TAOK3: variants seen among roughly 807,000 people sequenced by gnomAD.
TAOK3 encodes the protein TAO kinase 3, also known as serine/threonine-protein kinase TAO3.
Under a neutral mutation model 120.4 loss-of-function variants are expected in TAOK3, and 40 were observed. That is an observed-to-expected ratio of 0.33 (90% CI 0.26 to 0.43). The LOEUF (loss-of-function observed/expected upper bound fraction) is 0.43, where lower values mean the gene tolerates loss of function less well. Ranked by LOEUF, TAOK3 falls within the 20% of genes least tolerant of loss-of-function variation. The pLI is 1.00. For missense variants in TAOK3, 821 were observed against 1,112.1 expected, an observed-to-expected ratio of 0.74 and a Z score of 3.72; for synonymous variants, 355 against 387.5, an observed-to-expected ratio of 0.92 and a Z score of 0.99.
At chr12:118,262,456 G>A (rs556203085) in intron 2 of TAOK3, among the ~76,000 whole-genome samples, 6 of 151,678 alleles carry the variant, frequency 4.0e-5, no homozygotes, top group East Asian at 3.9e-4. Flanking sequence ...CACTCTAGCC[G>A]GGGCGACAGG....
At chr12:118,352,154 G>A (rs916342353) in intron 1 of TAOK3, among the ~76,000 whole-genome samples, 4 of 151,432 alleles carry the variant, frequency 2.6e-5, no homozygotes, top group Non-Finnish European at 5.9e-5. Context: ...TTACAGGCGT[G>A]AGCCACCGCG....
chr12:118,264,273 T>C (rs2041353762), intron 2 of TAOK3, among the ~76,000 whole-genome samples: 1 of 152,204 alleles, frequency 6.6e-6, no homozygotes. Flanking sequence ...TACAAAGCCA[T>C]GTATACAAAT....
At position 118,266,591 on chromosome 12, in the gene TAOK3, A is replaced by C. The variant is rs192852351; in HGVS notation, c.-89+64T>G. On this transcript the variant is annotated intron_variant, in intron 2 of 20. Coordinates refer to ENST00000392533, the MANE Select transcript of TAOK3 (RefSeq NM_016281.4). ...TTCTTTCAAAGATAAAAATTCATCC[A>C]AAAACCCAGAAAATATTATTTTTTT... 4.9e-3 allele frequency: 1,949 copies of C among 396,920 alleles called. 22 individuals are homozygous for C. The highest frequency in any genetic ancestry group is 0.038 in the South Asian group (296 of 7,806). 24.6% of individuals were successfully genotyped at this position (396,920 alleles called of 1,614,324 possible). A position where few individuals can be genotyped will look rare whatever the true frequency, so the allele number is the denominator to read the frequency against.
Position 118,255,655 on chromosome 12 carries a change from C to T in TAOK3, c.-88G>A, listed in dbSNP as rs2140155638. On this transcript the variant is annotated splice_region_variant and 5_prime_UTR_variant, in exon 3 of 21. Coordinates refer to ENST00000392533, the MANE Select transcript of TAOK3 (RefSeq NM_016281.4). Reference sequence around the variant, plus strand: ...TTTTTTGGGGGGTAAATCTTCAGTACCTGTAGAAAAATAAGGTTTGCCATT... The same window carrying T: ...TTTTTTGGGGGGTAAATCTTCAGTATCTGTAGAAAAATAAGGTTTGCCATT... 1 of 1,354,978 alleles carries T rather than the reference C, an allele frequency of 7.4e-7. No individual in the cohort carries two copies. Among genetic ancestry groups the T allele is most frequent in the Non-Finnish European group, 1.0e-6 (1 of 996,124 alleles). The allele number at this position is 1,354,978 out of a possible 1,614,324, so 83.9% of individuals were successfully genotyped here. A position where few individuals can be genotyped will look rare whatever the true frequency, so the allele number is the denominator to read the frequency against.
rs2035185281 is a variant in TAOK3, at chr12:118,161,020, T to C, written c.2140-662A>G. Among the ~76,000 whole-genome samples the C allele has an allele frequency of 6.6e-6, 1 of 152,258 alleles. No individual in the cohort carries two copies. On this transcript the variant is annotated intron_variant, in intron 18 of 20. Transcript: ENST00000392533. The surrounding 1 kb of genome is among the most constrained non-coding windows in gnomAD (Gnocchi z 4.5). ...CAAAGAGAAGGTAGAGTATATTATT[T>C]TGAGCCCAGAAGGCATTCCATCAGG... is the stretch of plus-strand genomic sequence containing the variant.
At chr12:118,326,840 T>C (rs948275580) in intron 1 of TAOK3, among the ~76,000 whole-genome samples, 3 of 152,188 alleles carry the variant, frequency 2.0e-5, no homozygotes, top group African/African-American at 4.8e-5. Context: ...GGGGCAGAGA[T>C]AGAAAATTTT....
rs906471618 is a variant in TAOK3 at position 118,150,807 on chromosome 12, G to C, written c.*190C>G. 2 of 599,962 alleles carry C rather than the reference G, an allele frequency of 3.3e-6. No homozygotes were observed. The highest frequency in any genetic ancestry group is 1.9e-5 in the African/African-American group (1 of 53,890). The allele number at this position is 599,962 out of a possible 1,614,324, so 37.2% of individuals were successfully genotyped here. A position where few individuals can be genotyped will look rare whatever the true frequency, so the allele number is the denominator to read the frequency against. The stretch of plus-strand genomic sequence containing the variant: ...TTTGGCCAGCACTGAAAGTTGACAC[G>C]GGGGGAGGAAGGGGGCCCCTGATGG... On this transcript the variant is annotated 3_prime_UTR_variant, in exon 21 of 21. Transcript: ENST00000392533.
intron 3 of TAOK3, among the ~76,000 whole-genome samples, chr12:118,253,211 G>C (rs991133885): frequency 1.8e-4 from 27 of 152,178 alleles, no homozygotes; most frequent in African/African-American, 6.5e-4. Flanking sequence ...AGAAGCAAAA[G>C]GACAAAGTAA....
intron 17 of TAOK3, among the ~76,000 whole-genome samples, chr12:118,168,786 T>C (rs1013997959): frequency 4.6e-5 from 7 of 152,196 alleles, no homozygotes; most frequent in Admixed American, 2.6e-4. Flanking sequence ...TTGACATGAA[T>C]TGTCCCCTTA....
intron 1 of TAOK3, among the ~76,000 whole-genome samples, chr12:118,366,254 ACT>A (rs2045739111): frequency 6.6e-6 from 1 of 152,048 alleles, no homozygotes; most frequent in Non-Finnish European, 1.5e-5. Flanking sequence ...AAAGAGCGAG[ACT>A]CAATCTCAAA....
At chr12:118,218,300 G>C (rs1388861422) in intron 9 of TAOK3, among the ~76,000 whole-genome samples, 1 of 152,070 alleles carries the variant, frequency 6.6e-6, no homozygotes. Flanking sequence ...TTTTCAGGGG[G>C]CAGATTTTAG....
intron 6 of TAOK3, among the ~76,000 whole-genome samples, chr12:118,238,442 A>C (rs539849058): frequency 6.6e-6 from 1 of 152,310 alleles, no homozygotes; most frequent in Non-Finnish European, 1.5e-5. Flanking sequence ...TTGCAAGCCA[A>C]GCCACACTGA....
intron 14 of TAOK3, among the ~76,000 whole-genome samples, chr12:118,185,383 TA>T (rs1330410180): frequency 1.3e-5 from 2 of 152,082 alleles, no homozygotes; most frequent in African/African-American, 4.8e-5. Flanking sequence ...ACTAGAAGGG[TA>T]ATAAGCAACT....
intron 1 of TAOK3, among the ~76,000 whole-genome samples, chr12:118,320,465 T>C (rs2043657060): frequency 6.6e-6 from 1 of 151,952 alleles, no homozygotes; most frequent in African/African-American, 2.4e-5. Flanking sequence ...TGAACAATAA[T>C]ATACTTGATT....
chr12:118,181,140 T>G (rs1565907263), intron 15 of TAOK3, among the ~76,000 whole-genome samples: 1 of 152,224 alleles, frequency 6.6e-6, no homozygotes, highest in Non-Finnish European at 1.5e-5. Flanking sequence ...CCACCACGCC[T>G]GGCCTCAGAA....
Position 118,310,754 on chromosome 12 carries a change from C to G in TAOK3, c.-193-43995G>C, listed in dbSNP as rs751143897. Among the ~76,000 whole-genome samples, 188 of 152,052 alleles carry G rather than the reference C, an allele frequency of 1.2e-3. 1 individual carries two copies. The highest frequency in any genetic ancestry group is 2.2e-3 in the Admixed American group (34 of 15,272). On this transcript the variant is annotated intron_variant, in intron 1 of 20. Coordinates refer to ENST00000392533, the MANE Select transcript of TAOK3 (RefSeq NM_016281.4). ...GCTTGGTGATGTTGGTAGCTTTTTTCTTCTGTTATAAGGGAGAATATGGAG... is the reference window on the plus strand; with the variant it reads ...GCTTGGTGATGTTGGTAGCTTTTTTGTTCTGTTATAAGGGAGAATATGGAG...
chr12:118,363,727 A>AGTGT (rs552898130), intron 1 of TAOK3, among the ~76,000 whole-genome samples: 7,362 of 147,350 alleles, frequency 0.05, 402 homozygotes, highest in East Asian at 0.2. Flanking sequence ...TGGTCAAGGC[A>AGTGT]GTGTGTGTGT....
rs60475060 is a variant in TAOK3, at chr12:118,363,018, C to CAAAAAAAAAAAAAAAAAAA, written c.-194+9611_-194+9629dup. On this transcript the variant is annotated intron_variant, in intron 1 of 20. Transcript: ENST00000392533. ...TGGGCAACAGAGAAAGACTCCGTAT[C>CAAAAAAAAAAAAAAAAAAA]AAAAAAAAAAAAAAAAAAAAAAAAA... Among the ~76,000 whole-genome samples, 98 of 45,880 alleles carry CAAAAAAAAAAAAAAAAAAA rather than the reference C, an allele frequency of 2.1e-3. 2 individuals are homozygous for CAAAAAAAAAAAAAAAAAAA. Among genetic ancestry groups the CAAAAAAAAAAAAAAAAAAA allele is most frequent in the African/African-American group, 2.5e-3 (29 of 11,604 alleles). The allele number at this position is 45,880 out of a possible 152,430, so 30.1% of individuals were successfully genotyped here.
At chr12:118,356,286 G>A (rs1242409945) in intron 1 of TAOK3, among the ~76,000 whole-genome samples, 1 of 148,342 alleles carries the variant, frequency 6.7e-6, no homozygotes, top group East Asian at 2.0e-4. Flanking sequence ...TTCTCAATTT[G>A]GTCACTTTCT....
Sources: allele counts gnomAD v4.1 joint callset (sites outside exome capture counted in the v4.1 genomes callset), GRCh38; gene constraint gnomAD v4.1.1; non-coding constraint Gnocchi (gnomAD v3.1); transcripts MANE v1.5; gene names NCBI Gene and HGNC (gene_info 2026-07-23, HGNC 2026-07-21).